Variants in ANKRD27 observed in about 807,000 individuals in gnomAD.
ANKRD27 encodes ankyrin repeat domain-containing protein 27.
ANKRD27 carries 112 observed loss-of-function variants against 129.7 expected under a neutral mutation model. That is an observed-to-expected ratio of 0.86 (90% CI 0.74 to 1.01). ANKRD27 has a LOEUF of 1.01. Ranked by LOEUF, ANKRD27 falls within the 50% of genes least tolerant of loss-of-function variation. The pLI is 0.00. For missense variants in ANKRD27, 1,258 were observed against 1,300.5 expected, an observed-to-expected ratio of 0.97 and a Z score of 0.50; for synonymous variants, 516 against 511.2, an observed-to-expected ratio of 1.01 and a Z score of -0.13.
intron 22 of ANKRD27, among the ~76,000 whole-genome samples, chr19:32,610,507 T>G: frequency 6.8e-6 from 1 of 146,864 alleles, no homozygotes; most frequent in Non-Finnish European, 1.5e-5. Context: ...AAAAAAAAGT[T>G]TAGGCCAAGC....
intron 3 of ANKRD27, among the ~76,000 whole-genome samples, chr19:32,647,929 TCTC>T (rs1251708223): frequency 1.3e-5 from 2 of 152,126 alleles, no homozygotes; most frequent in Non-Finnish European, 2.9e-5. Context: ...CAGAATTTCT[TCTC>T]CTAAAGAAAC....
At chr19:32,611,707 G>A (rs1251289610) in intron 22 of ANKRD27, among the ~76,000 whole-genome samples, 3 of 152,034 alleles carry the variant, frequency 2.0e-5, no homozygotes, top group African/African-American at 4.8e-5. Context: ...TCAGCCTCCC[G>A]AGTAGCTGGG....
At chr19:32,667,688 C>T (rs982320079) in intron 1 of ANKRD27, among the ~76,000 whole-genome samples, 5 of 152,024 alleles carry the variant, frequency 3.3e-5, no homozygotes, top group South Asian at 2.1e-4. Flanking sequence ...AAAAATTAGC[C>T]GGGCGTGGTG....
intron 18 of ANKRD27, among the ~76,000 whole-genome samples, chr19:32,621,065 G>A (rs1228443208): frequency 6.6e-6 from 1 of 152,058 alleles, no homozygotes; most frequent in East Asian, 1.9e-4. Context: ...CAATAAAGAG[G>A]TTTAGAGAAA....
At chr19:32,667,134 T>C (rs1967773976) in intron 1 of ANKRD27, among the ~76,000 whole-genome samples, 1 of 152,172 alleles carries the variant, frequency 6.6e-6, no homozygotes, top group South Asian at 2.1e-4. Flanking sequence ...CATGGGACCT[T>C]TGTGAGAATT....
At chr19:32,615,869 A>G (rs759587601) in intron 21 of ANKRD27, 89 bp from the exon 22 acceptor site, 123 of 1,525,540 alleles carry the variant, frequency 8.1e-5, no homozygotes, top group Non-Finnish European at 1.1e-4. Context: ...ACCGTTCCCA[A>G]TCAGGGCCCA....
In ANKRD27 at chr19:32,656,103, G is replaced by GAAAGGAAAAGAAAAGAAAAGA. The variant is rs1555747137; in HGVS notation, c.102+2810_102+2811insTCTTTTCTTTTCTTTTCCTTT. On this transcript the variant is annotated intron_variant, in intron 2 of 28. Transcript: ENST00000306065. The stretch of plus-strand genomic sequence containing the variant: ...AGAAAGAAAGAAAGAAAGAAAGAAA[G>GAAAGGAAAAGAAAAGAAAAGA]AAAGAAAAGAAAAGAAAAGAAAAGA... Among the ~76,000 whole-genome samples, 105 of 123,728 alleles carry GAAAGGAAAAGAAAAGAAAAGA rather than the reference G, an allele frequency of 8.5e-4. 1 individual carries two copies. The highest frequency in any genetic ancestry group is 6.3e-3 in the South Asian group (23 of 3,632). 81.2% of individuals were successfully genotyped at this position (123,728 alleles called of 152,430 possible). A position where few individuals can be genotyped will look rare whatever the true frequency, so the allele number is the denominator to read the frequency against.
At chr19:32,647,120 C>T (rs571738264) in intron 3 of ANKRD27, among the ~76,000 whole-genome samples, 8 of 152,370 alleles carry the variant, frequency 5.3e-5, no homozygotes, top group Non-Finnish European at 1.0e-4. Context: ...GCCACCACAC[C>T]TGGCCCACAC....
intron 1 of ANKRD27, 121 bp from the exon 2 acceptor site, chr19:32,659,166 T>C: frequency 1.8e-6 from 1 of 565,784 alleles, no homozygotes; most frequent in Non-Finnish European, 3.1e-6. Flanking sequence ...TGAGACAGAG[T>C]CTCACTCTGT....
intron 22 of ANKRD27, chr19:32,608,318 CTT>C (rs36021439): frequency 4.9e-3 from 1,068 of 219,166 alleles, no homozygotes; most frequent in South Asian, 0.011. Context: ...GCTAATTTCA[CTT>C]TTTTTTTTTT....
intron 2 of ANKRD27, among the ~76,000 whole-genome samples, chr19:32,652,932 G>C (rs570882293): frequency 2.0e-5 from 3 of 152,024 alleles, no homozygotes; most frequent in African/African-American, 7.2e-5. Flanking sequence ...CATTTCAAAA[G>C]AAAGAAAGAA....
In ANKRD27 at chr19:32,631,415, T is replaced by G. The variant is rs1046895361; in HGVS notation, c.1196A>C (p.Asp399Ala). 3 of 1,613,874 alleles carry G rather than the reference T, an allele frequency of 1.9e-6. No individual in the cohort carries two copies. The highest frequency in any genetic ancestry group is 3.3e-4 in the Middle Eastern group (2 of 6,082). The change falls in exon 13 of 29, where the codon GAC becomes GCC. Residue 399 changes from aspartate (D) to alanine (A), a missense_variant. Physicochemically the swap from Asp to Ala is moderately radical, Grantham distance 126. Coordinates refer to ENST00000306065, the MANE Select transcript of ANKRD27 (RefSeq NM_032139.3). The part of the protein sequence containing the change: ...LLSQMTSSPT[D>A]CLFKHIASGN... ...TTGGTATCTCACCTTAAACAGGCAGTCGGTGGGAGACGAAGTCATCTGAGA... is the reference window on the plus strand; with the variant it reads ...TTGGTATCTCACCTTAAACAGGCAGGCGGTGGGAGACGAAGTCATCTGAGA...
chr19:32,600,066 T>TAAA lies in ANKRD27; in HGVS notation c.2768-19_2768-17dup, dbSNP rs1568393351. ...TTTGAGTTCCCTGTAGATAAAAAGA[T>TAAA]AAACATCTAAAAACTTCAAAAACAG... On this transcript the variant is annotated splice_polypyrimidine_tract_variant and intron_variant, in intron 26 of 28. Coordinates refer to ENST00000306065, the MANE Select transcript of ANKRD27 (RefSeq NM_032139.3). 1 of 1,565,384 alleles carries TAAA rather than the reference T, an allele frequency of 6.4e-7. No individual in the cohort carries two copies. Among genetic ancestry groups the TAAA allele is most frequent in the South Asian group, 1.1e-5 (1 of 89,404 alleles).
chr19:32,642,635 G>A (rs1967223122), intron 9 of ANKRD27, among the ~76,000 whole-genome samples: 2 of 152,152 alleles, frequency 1.3e-5, no homozygotes, highest in Admixed American at 6.6e-5. Context: ...TACTCGGGAG[G>A]CTGAGGCAGG....
At chr19:32,617,192 G>A (rs1056244041) in intron 21 of ANKRD27, among the ~76,000 whole-genome samples, 9 of 152,140 alleles carry the variant, frequency 5.9e-5, no homozygotes, top group Non-Finnish European at 1.0e-4. Context: ...AACTGAACCG[G>A]AGACAAGAAA....
At chr19:32,608,732 A>G (rs868552661) in intron 22 of ANKRD27, among the ~76,000 whole-genome samples, 6 of 152,102 alleles carry the variant, frequency 3.9e-5, no homozygotes, top group African/African-American at 1.4e-4. Flanking sequence ...TGGGCAGATC[A>G]CCTGAGGTCA....
Position 32,626,716 on chromosome 19 carries a change from A to G in ANKRD27, c.1532T>C (p.Val511Ala). 1.2e-6 allele frequency: 2 copies of G among 1,605,888 alleles called. No homozygotes were observed. Among genetic ancestry groups the G allele is most frequent in the Admixed American group, 1.7e-5 (1 of 58,894 alleles). The change falls in exon 16 of 29, where the codon GTG becomes GCG. Residue 511 changes from valine (V) to alanine (A), a missense_variant. Coordinates refer to ENST00000306065, the MANE Select transcript of ANKRD27 (RefSeq NM_032139.3). The part of the protein sequence containing the change: ...HLACQKGYQS[V>A]TLLLLHYKAS... ...CACAAAGGCACCACTGCTCACCGTCACGCTCTGGTAGCCCTTCTGACAGGC... is the reference window on the plus strand; with the variant it reads ...CACAAAGGCACCACTGCTCACCGTCGCGCTCTGGTAGCCCTTCTGACAGGC...
chr19:32,602,047 T>C lies in ANKRD27; in HGVS notation c.2735A>G (p.Lys912Arg), dbSNP rs1439350726. The C allele has an allele frequency of 6.2e-7, 1 of 1,613,806 alleles. No individual in the cohort carries two copies. Among genetic ancestry groups the C allele is most frequent in the African/African-American group, 1.3e-5 (1 of 74,932 alleles). The change falls in exon 26 of 29, where the codon AAG becomes AGG. Residue 912 changes from lysine to arginine, a missense_variant. Lys to Arg is a conservative substitution (Grantham distance 26, BLOSUM62 2). Transcript: ENST00000306065. ...SLDDVAETDRKEYVTVKIRKK... is the reference protein window; with the variant it reads ...SLDDVAETDRREYVTVKIRKK... Reference sequence around the variant, plus strand: ...CCTGATCTTAACAGTGACATACTCCTTGCGGTCAGTTTCAGCCACATCATC... The same window carrying C: ...CCTGATCTTAACAGTGACATACTCCCTGCGGTCAGTTTCAGCCACATCATC...
At chr19:32,604,529 T>G (rs190576722) in intron 24 of ANKRD27, 105 bp from the exon 25 acceptor site, 9 of 1,186,862 alleles carry the variant, frequency 7.6e-6, no homozygotes, top group African/African-American at 1.5e-5. Context: ...GTTTTTTTTA[T>G]GTCTGAAAGT....
Sources: allele counts gnomAD v4.1 joint callset (sites outside exome capture counted in the v4.1 genomes callset), GRCh38; gene constraint gnomAD v4.1.1; transcripts MANE v1.5; gene names NCBI Gene and HGNC (gene_info 2026-07-23, HGNC 2026-07-21).